The following CENPF variants were observed in gnomAD, a reference collection of about 807,000 sequenced individuals.
CENPF encodes the protein centromere protein F, also known as AH antigen.
Under a neutral mutation model 307.3 loss-of-function variants are expected in CENPF, and 214 were observed. The observed-to-expected ratio is 0.70, with a 90% CI of 0.62 to 0.78. The LOEUF is 0.78. Among genes scored for constraint, CENPF ranks in the 30% least tolerant of loss-of-function variants. The pLI, the probability that CENPF is intolerant of heterozygous loss-of-function variation, is 0.00. For synonymous variants in CENPF, 1,259 were observed against 1,270.6 expected (o/e 0.99, Z 0.19); for missense variants, 3,401 against 3,483.9 (o/e 0.98, Z 0.60).
intron 8 of CENPF, among the ~76,000 whole-genome samples, chr1:214,630,094 G>A (rs565075303): frequency 1.1e-4 from 16 of 152,292 alleles, no homozygotes; most frequent in Middle Eastern, 3.4e-3. Context: ...AAGTTAATGG[G>A]TAGCATATAT....
chr1:214,617,782 A>G lies in CENPF; in HGVS notation c.360-791A>G, dbSNP rs116395771. Among the ~76,000 whole-genome samples, 402 of 152,322 alleles carry G rather than the reference A, an allele frequency of 2.6e-3. 1 individual carries two copies. Among genetic ancestry groups the G allele is most frequent in the African/African-American group, 8.7e-3 (362 of 41,572 alleles). ...TCTCACGATTTGAGCCCATGCTTCA[A>G]TGACACCACTTTCTTCCCATGTTTC... On this transcript the variant is annotated intron_variant, in intron 3 of 19. Coordinates refer to ENST00000366955, the MANE Select transcript of CENPF (RefSeq NM_016343.4).
At chr1:214,609,892 A>G (rs1657153504) in intron 1 of CENPF, among the ~76,000 whole-genome samples, 1 of 152,174 alleles carries the variant, frequency 6.6e-6, no homozygotes, top group Admixed American at 6.5e-5. Context: ...TTATGGCTGC[A>G]TAGTATTCCA....
Position 214,622,956 on chromosome 1 carries a change from A to T in CENPF, c.1068+675A>T, listed in dbSNP as rs139457801. Among the ~76,000 whole-genome samples, 37 of 152,338 alleles carry T rather than the reference A, an allele frequency of 2.4e-4. No individual in the cohort carries two copies. The East Asian group carries it at 6.8e-3, about 28-fold the overall frequency. ...GCCGGGCACCTGTGGTTTACACCCGAATCCCCACACTTTGGGAGGTTGAGA... is the reference window on the plus strand; with the variant it reads ...GCCGGGCACCTGTGGTTTACACCCGTATCCCCACACTTTGGGAGGTTGAGA... On this transcript the variant is annotated intron_variant, in intron 7 of 19. Transcript: ENST00000366955.
At position 214,642,153 on chromosome 1, in the gene CENPF, A is replaced by C. The variant is rs777757704; in HGVS notation, c.3815A>C (p.Tyr1272Ser). The C allele has an allele frequency of 6.2e-7, 1 of 1,614,132 alleles. No homozygotes were observed. ...TGTGAAATAGATGCGGAAGAAAAGT[A>C]TATTTCAGGGCCTCATGAGTTGTCA... ...KDCEIDAEEK[Y>S]ISGPHELSTS... The change falls in exon 12 of 20, where the codon TAT becomes TCT. Residue 1272 changes from tyrosine (Y) to serine (S), a missense_variant. Tyr to Ser is a moderately radical substitution (Grantham distance 144, BLOSUM62 -2). Transcript: ENST00000366955.
Position 214,657,132 on chromosome 1 carries a change from A to G in CENPF, c.8685A>G (p.Gln2895=). 1 of 1,614,220 alleles carries G rather than the reference A, an allele frequency of 6.2e-7. No individual in the cohort carries two copies. Among genetic ancestry groups the G allele is most frequent in the Non-Finnish European group, 8.5e-7 (1 of 1,180,018 alleles). The change falls in exon 18 of 20, where the codon CAA becomes CAG. Residue 2895 remains glutamine, a synonymous_variant. Transcript: ENST00000366955. ...VAHLCSQQSK[Q]DSRGSPLLGP... ...ATCTGTGTTCACAGCAATCTAAACAAGATTCCCGAGGGTCTCCTTTGCTAG... is the reference window on the plus strand; with the variant it reads ...ATCTGTGTTCACAGCAATCTAAACAGGATTCCCGAGGGTCTCCTTTGCTAG...
chr1:214,610,941 CT>C (rs1657181088), intron 1 of CENPF, among the ~76,000 whole-genome samples: 1 of 152,120 alleles, frequency 6.6e-6, no homozygotes, highest in African/African-American at 2.4e-5. Context: ...ATAGGGAATC[CT>C]TTCCCCATTG....
chr1:214,639,874 T>A (rs1658058706), intron 11 of CENPF, 47 bp from the exon 12 acceptor site: 1 of 1,367,474 alleles, frequency 7.3e-7, no homozygotes, highest in African/African-American at 1.5e-5. Flanking sequence ...TTCTGTAGAA[T>A]AAACATTTAT....
chr1:214,648,493 G>A lies in CENPF; in HGVS notation c.7831-182G>A, dbSNP rs767376290. The A allele has an allele frequency of 6.6e-6, 5 of 760,316 alleles. No homozygotes were observed. In the South Asian group the frequency reaches 6.8e-5, roughly 10 times the overall value. The allele number at this position is 760,316 out of a possible 1,614,324, so 47.1% of individuals were successfully genotyped here. On this transcript the variant is annotated intron_variant, in intron 13 of 19. Transcript: ENST00000366955. Reference sequence around the variant, plus strand: ...TATTAAATCTTTTCTGGGAAGAAAAGGTAAGCTTACTAGTAGGTTTTGAGA... The same window carrying A: ...TATTAAATCTTTTCTGGGAAGAAAAAGTAAGCTTACTAGTAGGTTTTGAGA...
intron 3 of CENPF, among the ~76,000 whole-genome samples, chr1:214,618,025 A>T (rs979321666): frequency 6.6e-6 from 1 of 152,226 alleles, no homozygotes; most frequent in African/African-American, 2.4e-5. Flanking sequence ...ACTTACAATC[A>T]TAGCGGAAGG....
Position 214,646,801 on chromosome 1 carries a change from T to A in CENPF, c.7231T>A (p.Leu2411Ile). ...LQKEQERISELEIINSSFENI... is the reference protein window; with the variant it reads ...LQKEQERISEIEIINSSFENI... Reference sequence around the variant, plus strand: ...AAAAGAGCAAGAGCGAATATCTGAATTAGAAATAATAAATTCATCATTTGA... The same window carrying A: ...AAAAGAGCAAGAGCGAATATCTGAAATAGAAATAATAAATTCATCATTTGA... Residue 2411 changes from leucine (L) to isoleucine (I), a missense_variant, in exon 13 of 20, where the codon TTA becomes ATA. Leu to Ile is a conservative substitution (Grantham distance 5, BLOSUM62 2). Transcript: ENST00000366955. 1.2e-6 allele frequency: 2 copies of A among 1,610,800 alleles called. No homozygotes were observed. The highest frequency in any genetic ancestry group is 1.7e-6 in the Non-Finnish European group (2 of 1,178,934).
Position 214,645,645 on chromosome 1 carries a change from G to A in CENPF, c.6075G>A (p.Glu2025=). 6.2e-7 allele frequency: 1 copy of A among 1,614,172 alleles called. No homozygotes were observed. Among genetic ancestry groups the A allele is most frequent in the Non-Finnish European group, 8.5e-7 (1 of 1,180,024 alleles). The change falls in exon 13 of 20, where the codon GAG becomes GAA. Residue 2025 remains glutamate (E), a synonymous_variant. Coordinates refer to ENST00000366955, the MANE Select transcript of CENPF (RefSeq NM_016343.4). ...LLQTLSSDVS[E]LLKDKTHLQE... is the part of the protein sequence containing the mutation. ...AGACTTTGTCCTCTGATGTGAGTGA[G>A]CTGTTAAAAGACAAAACTCATCTCC... is the stretch of plus-strand genomic sequence containing the variant.
In CENPF at chr1:214,652,861, T is replaced by C. The variant is rs1300710614; in HGVS notation, c.8194T>C (p.Leu2732=). ...EVEIQTYREK[L]TSKEECLSSQ... is the part of the protein sequence containing the mutation. The stretch of plus-strand genomic sequence containing the variant: ...AGAAATCCAGACATACCGAGAGAAA[T>C]TGACTTCTAAAGAAGAATGTCTCAG... Residue 2732 remains leucine (L), a synonymous_variant, in exon 16 of 20, where the codon TTG becomes CTG. Transcript: ENST00000366955. The C allele has an allele frequency of 1.2e-6, 2 of 1,600,134 alleles. No individual in the cohort carries two copies. Among genetic ancestry groups the C allele is most frequent in the Non-Finnish European group, 1.7e-6 (2 of 1,176,498 alleles).
At chr1:214,635,659 T>C (rs944615259) in intron 10 of CENPF, among the ~76,000 whole-genome samples, 1 of 152,212 alleles carries the variant, frequency 6.6e-6, no homozygotes, top group East Asian at 1.9e-4. Flanking sequence ...CTTGGGTTGG[T>C]CATAGCCATA....
rs755723879 is a variant in CENPF, at chr1:214,645,561, G to T, written c.5991G>T (p.Glu1997Asp). 3.1e-6 allele frequency: 5 copies of T among 1,614,170 alleles called. No individual in the cohort carries two copies. The Admixed American group carries it at 8.3e-5, about 27-fold the overall frequency. The part of the protein sequence containing the change: ...KTQELESHQS[E>D]CLHCIQVAEA... ...AAGAGCTTGAGTCTCATCAAAGTGA[G>T]TGTCTCCATTGCATTCAGGTGGCAG... is the stretch of plus-strand genomic sequence containing the variant. Residue 1997 changes from glutamate to aspartate, a missense_variant, in exon 13 of 20, where the codon GAG becomes GAT. Coordinates refer to ENST00000366955, the MANE Select transcript of CENPF (RefSeq NM_016343.4).
chr1:214,606,640 A>C (rs1257175667), intron 1 of CENPF, among the ~76,000 whole-genome samples: 2 of 152,144 alleles, frequency 1.3e-5, no homozygotes, highest in Admixed American at 1.3e-4. Context: ...AGTGCAACCC[A>C]GGTCAGCATC....
In CENPF at chr1:214,647,339, A is replaced by G; in HGVS notation, c.7769A>G (p.Tyr2590Cys). The G allele has an allele frequency of 6.2e-7, 1 of 1,613,184 alleles. No homozygotes were observed. Among genetic ancestry groups the G allele is most frequent in the Non-Finnish European group, 8.5e-7 (1 of 1,179,744 alleles). Residue 2590 changes from tyrosine to cysteine, a missense_variant, in exon 13 of 20, where the codon TAC (tyrosine) becomes TGC (cysteine). Transcript: ENST00000366955. ...ACATTAGAAGTGCTGCAGAGTTCTT[A>G]CAAGAATCTAGAGAATGAGCTTGAA... is the stretch of plus-strand genomic sequence containing the variant. ...QDTLEVLQSS[Y>C]KNLENELELT... is the part of the protein sequence containing the mutation.
At chr1:214,620,612 T>A in intron 5 of CENPF, 43 bp from the exon 6 acceptor site, 1 of 1,541,266 alleles carries the variant, frequency 6.5e-7, no homozygotes, top group Non-Finnish European at 8.7e-7. Context: ...GCCTTGAGTA[T>A]ATAAGATCTT....
At position 214,647,046 on chromosome 1, in the gene CENPF, CA is replaced by C; in HGVS notation, c.7481del (p.Asn2494IlefsTer10). On this transcript the variant is annotated frameshift_variant, in exon 13 of 20. Coordinates refer to ENST00000366955, the MANE Select transcript of CENPF (RefSeq NM_016343.4). LOFTEE classifies it high-confidence loss of function. ...AQLLQGLDEA[K>X]NNYIVLQSSV... is the part of the protein sequence containing the mutation. ...AGTTGCTACAAGGCCTTGATGAGGC[CA>C]AAAATAATTATATTGTTTTGCAATC... 1 of 1,613,826 alleles carries C rather than the reference CA, an allele frequency of 6.2e-7. No homozygotes were observed. The highest frequency in any genetic ancestry group is 8.5e-7 in the Non-Finnish European group (1 of 1,179,952).
At position 214,657,294 on chromosome 1, in the gene CENPF, C is replaced by G. The variant is rs1383898987; in HGVS notation, c.8847C>G (p.Thr2949=). 2 of 1,613,986 alleles carry G rather than the reference C, an allele frequency of 1.2e-6. No homozygotes were observed. Among genetic ancestry groups the G allele is most frequent in the Non-Finnish European group, 1.7e-6 (2 of 1,179,990 alleles). ...WENGRGPTPA[T]PESFSKKSKK... is the part of the protein sequence containing the mutation. ...ATGGTAGAGGACCAACACCTGCTAC[C>G]CCAGAGAGCTTTTCTAAAAAAAGCA... The change falls in exon 18 of 20, where the codon ACC becomes ACG. Residue 2949 remains threonine (T), a synonymous_variant. Coordinates refer to ENST00000366955, the MANE Select transcript of CENPF (RefSeq NM_016343.4).
Sources: gnomAD v4.1 joint callset for allele counts (sites outside exome capture counted in the v4.1 genomes callset) on GRCh38, gnomAD v4.1.1 for gene constraint, MANE v1.5 for transcripts, NCBI Gene and HGNC (gene_info 2026-07-23, HGNC 2026-07-21) for gene names.